MYRIP: variants seen among roughly 807,000 people sequenced by gnomAD.
MYRIP encodes myosin VIIA and Rab interacting protein.
A neutral mutation model predicts 98.0 loss-of-function variants in MYRIP; 49 were observed. That is an observed-to-expected ratio of 0.50 (90% CI 0.40 to 0.63). The LOEUF is 0.63. MYRIP is among the 30% of genes least tolerant of loss of function. The probability of loss-of-function intolerance (pLI) is 0.00; values close to 1 mark genes in which losing one functional copy is unlikely to be tolerated. For missense variants in MYRIP, 1,004 were observed against 1,058.2 expected, an observed-to-expected ratio of 0.95 and a Z score of 0.71; for synonymous variants, 404 against 409.5, an observed-to-expected ratio of 0.99 and a Z score of 0.16.
At chr3:40,049,126 C>T (rs866728556) in intron 3 of MYRIP, among the ~76,000 whole-genome samples, 2 of 152,154 alleles carry the variant, frequency 1.3e-5, no homozygotes, top group African/African-American at 4.8e-5. Flanking sequence ...AGCTTTCTAG[C>T]TCTTTGCTTC....
At chr3:39,821,352 G>C (rs1258813304) in intron 1 of MYRIP, among the ~76,000 whole-genome samples, 1 of 150,846 alleles carries the variant, frequency 6.6e-6, no homozygotes, top group East Asian at 2.0e-4. Context: ...CCGACTTAGT[G>C]CCTTCTTTGC....
intron 3 of MYRIP, among the ~76,000 whole-genome samples, chr3:40,050,613 T>G (rs550209320): frequency 2.0e-4 from 30 of 152,306 alleles, no homozygotes; most frequent in African/African-American, 7.0e-4. Context: ...CAAGCAGTAA[T>G]TTTGACTTTT....
At chr3:40,007,184 A>G (rs1946653317) in intron 2 of MYRIP, among the ~76,000 whole-genome samples, 1 of 152,178 alleles carries the variant, frequency 6.6e-6, no homozygotes, top group South Asian at 2.1e-4. Context: ...TTTTGTCAGA[A>G]TTCTGTACAG....
chr3:39,870,602 G>A (rs900525902), intron 1 of MYRIP, among the ~76,000 whole-genome samples: 3 of 151,982 alleles, frequency 2.0e-5, no homozygotes, highest in Non-Finnish European at 4.4e-5. Flanking sequence ...TAGCATTCAT[G>A]TTTTTTCCCA....
intron 2 of MYRIP, among the ~76,000 whole-genome samples, chr3:40,014,381 C>G (rs559262159): frequency 6.6e-6 from 1 of 152,286 alleles, no homozygotes; most frequent in African/African-American, 2.4e-5. Context: ...GTTTCTTTGA[C>G]TCCCATCTTT....
intron 1 of MYRIP, among the ~76,000 whole-genome samples, chr3:39,892,279 A>T (rs1044019733): frequency 2.6e-5 from 4 of 152,098 alleles, no homozygotes; most frequent in African/African-American, 9.7e-5. Context: ...GATGGAGATG[A>T]GTAGGGATGG....
intron 1 of MYRIP, among the ~76,000 whole-genome samples, chr3:39,893,736 CA>C (rs139060542): frequency 0.04 from 6,093 of 150,674 alleles, 303 homozygotes; most frequent in East Asian, 0.13. Context: ...TTTAGAAAAA[CA>C]AAAAATTGAG....
intron 1 of MYRIP, among the ~76,000 whole-genome samples, chr3:39,852,109 T>C (rs1942146604): frequency 6.6e-6 from 1 of 152,036 alleles, no homozygotes; most frequent in Admixed American, 6.6e-5. Flanking sequence ...GAATTGAACA[T>C]TTATGGAGAT....
At chr3:40,202,909 A>ACTTATTTATTTG (rs1559450251) in intron 10 of MYRIP, among the ~76,000 whole-genome samples, 1 of 56,184 alleles carries the variant, frequency 1.8e-5, no homozygotes, top group Non-Finnish European at 5.6e-5. Flanking sequence ...CCATTTACTT[A>ACTTATTTATTTG]TTTATTTATT....
intron 1 of MYRIP, among the ~76,000 whole-genome samples, chr3:39,890,195 G>A (rs924891557): frequency 6.7e-6 from 1 of 149,618 alleles, no homozygotes; most frequent in Non-Finnish European, 1.5e-5. Flanking sequence ...TTTTCCTTTG[G>A]CTCCTTTCCT....
intron 3 of MYRIP, among the ~76,000 whole-genome samples, chr3:40,091,046 A>G (rs1948728366): frequency 6.6e-6 from 1 of 152,212 alleles, no homozygotes; most frequent in Admixed American, 6.5e-5. Flanking sequence ...AGCAGCCCTC[A>G]GCAGGAAGCA....
intron 2 of MYRIP, among the ~76,000 whole-genome samples, chr3:39,912,925 A>G (rs750857924): frequency 6.6e-5 from 10 of 152,188 alleles, no homozygotes; most frequent in Non-Finnish European, 1.5e-4. Flanking sequence ...CTGTGATTCC[A>G]GCTACTCAGG....
At position 40,203,883 on chromosome 3, in the gene MYRIP, TTA is replaced by T. The variant is rs1213100220; in HGVS notation, c.1666-5963_1666-5962del. ...TATATATATTTATATATTTATATATTTATATATATTTATTTATATAAATATAT... is the reference window on the plus strand; with the variant it reads ...TATATATATTTATATATTTATATATTTATATATTTATTTATATAAATATAT... On this transcript the variant is annotated intron_variant, in intron 10 of 16. Transcript: ENST00000302541. 9.8e-3 allele frequency among the ~76,000 whole-genome samples: 113 copies of T among 11,532 alleles called. 5 individuals carry two copies. Among genetic ancestry groups the T allele is most frequent in the African/African-American group, 0.031 (107 of 3,508 alleles). The allele number at this position is 11,532 out of a possible 152,430, so 7.6% of individuals were successfully genotyped here.
rs376295541 is a variant in MYRIP, at chr3:40,151,129, G to T, written c.414G>T (p.Leu138=). The T allele has an allele frequency of 6.2e-7, 1 of 1,611,546 alleles. No homozygotes were observed. The highest frequency in any genetic ancestry group is 8.5e-7 in the Non-Finnish European group (1 of 1,178,762). Residue 138 remains leucine (L), a synonymous_variant, in exon 4 of 17, where the codon CTG becomes CTT. Transcript: ENST00000302541. The stretch of plus-strand genomic sequence containing the variant: ...AGCGCTTTGGCAGTGCCAAGGTTCT[G>T]AAGAACCTGTACAGGAAGCACCGGC... ...RFKRFGSAKV[L]KNLYRKHRLE...
chr3:39,950,780 T>G (rs938604842), intron 2 of MYRIP, among the ~76,000 whole-genome samples: 6 of 152,188 alleles, frequency 3.9e-5, no homozygotes, highest in Non-Finnish European at 8.8e-5. Flanking sequence ...CCACATTTAA[T>G]CTATATTATA....
At chr3:40,106,511 T>C (rs764107206) in intron 3 of MYRIP, among the ~76,000 whole-genome samples, 11 of 152,150 alleles carry the variant, frequency 7.2e-5, no homozygotes, top group Admixed American at 1.3e-4. Context: ...CCTTGCTTAT[T>C]TGGGGGAAAA....
intron 2 of MYRIP, among the ~76,000 whole-genome samples, chr3:40,018,654 G>A (rs1419551504): frequency 3.3e-5 from 5 of 151,912 alleles, no homozygotes; most frequent in Non-Finnish European, 5.9e-5. Context: ...CACCTCCCTG[G>A]TCCAGACTTT....
intron 2 of MYRIP, among the ~76,000 whole-genome samples, chr3:39,944,114 A>G (rs945923902): frequency 6.6e-6 from 1 of 152,172 alleles, no homozygotes; most frequent in African/African-American, 2.4e-5. Context: ...GTAGGCTCAT[A>G]CATTACTGAG....
At chr3:39,931,029 A>T (rs866293235) in intron 2 of MYRIP, among the ~76,000 whole-genome samples, 1 of 152,042 alleles carries the variant, frequency 6.6e-6, no homozygotes, top group Non-Finnish European at 1.5e-5. Flanking sequence ...GAATTTTAGG[A>T]TAAGTTTATA....
Sources: gnomAD v4.1 joint callset for allele counts (sites outside exome capture counted in the v4.1 genomes callset) on GRCh38, gnomAD v4.1.1 for gene constraint, MANE v1.5 for transcripts, NCBI Gene and HGNC (gene_info 2026-07-23, HGNC 2026-07-21) for gene names.